GRM4: variants seen among roughly 807,000 people sequenced by gnomAD.
The protein encoded by GRM4 is glutamate metabotropic receptor 4.
Under a neutral mutation model 81.7 loss-of-function variants are expected in GRM4, and 28 were observed. The ratio of observed to expected loss-of-function variants is 0.34; its 90% CI spans 0.25 to 0.47. GRM4 has a LOEUF of 0.47. GRM4 is among the 20% of genes least tolerant of loss of function. The probability of loss-of-function intolerance (pLI) is 1.00; values close to 1 mark genes in which losing one functional copy is unlikely to be tolerated. For missense variants in GRM4, 948 were observed against 1,290.0 expected (o/e 0.73, Z 4.06); for synonymous variants, 488 against 528.8 (o/e 0.92, Z 1.06).
Position 34,092,214 on chromosome 6 carries a change from A to T in GRM4, c.520-115T>A. The T allele has an allele frequency of 1.5e-6, 1 of 666,426 alleles. No individual in the cohort carries two copies. The highest frequency in any genetic ancestry group is 2.6e-6 in the Non-Finnish European group (1 of 389,994). 41.3% of individuals were successfully genotyped at this position (666,426 alleles called of 1,614,324 possible). The stretch of plus-strand genomic sequence containing the variant: ...GTCCCCACAGCCTTGGGACCACCAC[A>T]GCCCACCCCTCCCCATGGGCGATGC... On this transcript the variant is annotated intron_variant, in intron 2 of 10. Coordinates refer to ENST00000538487, the MANE Select transcript of GRM4 (RefSeq NM_000841.4). This position sits in a 1 kb window ranked among gnomAD's most constrained non-coding sequence, Gnocchi z 6.8.
intron 3 of GRM4, among the ~76,000 whole-genome samples, chr6:34,073,713 G>A (rs113506918): frequency 1.3e-5 from 2 of 151,998 alleles, no homozygotes; most frequent in African/African-American, 4.8e-5. Context: ...CACCCCTCCA[G>A]CCCATCTCTT....
rs111539887 is a variant in GRM4, at chr6:34,117,324, T to C, written c.519+15654A>G. Among the ~76,000 whole-genome samples, 915 of 152,122 alleles carry C rather than the reference T, an allele frequency of 6.0e-3. 10 individuals are homozygous for C. The highest frequency in any genetic ancestry group is 0.021 in the African/African-American group (856 of 41,482). ...CAGGGCCGGAGGGAGGGAACAAAGATGAGGTGGGCGAGACAGGCTGGGCCA... is the reference window on the plus strand; with the variant it reads ...CAGGGCCGGAGGGAGGGAACAAAGACGAGGTGGGCGAGACAGGCTGGGCCA... On this transcript the variant is annotated intron_variant, in intron 2 of 10. Transcript: ENST00000538487.
intron 1 of GRM4, among the ~76,000 whole-genome samples, chr6:34,140,210 A>G (rs975540439): frequency 6.6e-6 from 1 of 152,232 alleles, no homozygotes; most frequent in African/African-American, 2.4e-5. Flanking sequence ...CTGGGAGAAG[A>G]GGATTCCAAA....
chr6:34,024,666 A>G (rs1469082410), intron 10 of GRM4: 2 of 455,966 alleles, frequency 4.4e-6, no homozygotes, highest in Admixed American at 4.7e-5. Context: ...TTAAAGGAAG[A>G]ATTTTCTCCT....
At chr6:34,072,915 C>G (rs1441983801) in intron 3 of GRM4, among the ~76,000 whole-genome samples, 2 of 63,334 alleles carry the variant, frequency 3.2e-5, no homozygotes, top group Non-Finnish European at 5.5e-5. Context: ...CACATCACCA[C>G]ACAGATACAT....
intron 2 of GRM4, among the ~76,000 whole-genome samples, chr6:34,120,052 C>T (rs1373246788): frequency 6.6e-6 from 1 of 152,130 alleles, no homozygotes; most frequent in Non-Finnish European, 1.5e-5. Flanking sequence ...ACCTTGAAGA[C>T]CGAACCATGG....
At chr6:34,075,569 C>A (rs1767271102) in intron 3 of GRM4, among the ~76,000 whole-genome samples, 1 of 152,238 alleles carries the variant, frequency 6.6e-6, no homozygotes, top group African/African-American at 2.4e-5. Flanking sequence ...TGCCATCCTC[C>A]ACTTTGTGCT....
At chr6:34,029,418 G>A (rs1473953544) in intron 9 of GRM4, among the ~76,000 whole-genome samples, 1 of 152,182 alleles carries the variant, frequency 6.6e-6, no homozygotes, top group Non-Finnish European at 1.5e-5. Flanking sequence ...TGAAGGCACA[G>A]GGGCCCTGGC....
rs1227593792 is a variant in GRM4, at chr6:34,068,666, G to A, written c.737-6638C>T. Among the ~76,000 whole-genome samples the A allele has an allele frequency of 6.6e-6, 1 of 152,210 alleles. No homozygotes were observed. Among genetic ancestry groups the A allele is most frequent in the Non-Finnish European group, 1.5e-5 (1 of 68,042 alleles). On this transcript the variant is annotated intron_variant, in intron 3 of 10. Coordinates refer to ENST00000538487, the MANE Select transcript of GRM4 (RefSeq NM_000841.4). This position sits in a 1 kb window ranked among gnomAD's most constrained non-coding sequence, Gnocchi z 4.2. ...TGTGCCTATCTCATGCAGTCAGCCT[G>A]GGCGGGCTGAAAGGAAAGGCCTCCC...
Position 34,059,021 on chromosome 6 carries a change from ACCT to A in GRM4, c.977_979del (p.Glu326del). The A allele has an allele frequency of 6.2e-7, 1 of 1,613,530 alleles. No individual in the cohort carries two copies. Among genetic ancestry groups the A allele is most frequent in the Non-Finnish European group, 8.5e-7 (1 of 1,179,822 alleles). On this transcript the variant is annotated inframe_deletion, in exon 5 of 11. Coordinates refer to ENST00000538487, the MANE Select transcript of GRM4 (RefSeq NM_000841.4). The surrounding 1 kb of genome is among the most constrained non-coding windows in gnomAD (Gnocchi z 5.7). ...GAGGATCGTGACAGCACCCTCAGCC[ACCT>A]CCTCCAGGTGCAGCACAGGTGCAAT...
intron 2 of GRM4, among the ~76,000 whole-genome samples, chr6:34,107,515 G>T (rs916856801): frequency 3.9e-5 from 6 of 152,230 alleles, no homozygotes; most frequent in Admixed American, 3.3e-4. Context: ...GAGAGGCGAT[G>T]GGGATGAGAG....
rs115780368 is a variant in GRM4, at chr6:34,089,448, G to A, written c.736+2435C>T. Among the ~76,000 whole-genome samples, 2,160 of 152,002 alleles carry A rather than the reference G, an allele frequency of 0.014. 27 individuals are homozygous for A. The highest frequency in any genetic ancestry group is 0.025 in the Non-Finnish European group (1,700 of 67,986). ...AATCAAATTTCATTTATTGGGTTGC[G>A]CGACGAGACCTAGCTGCCTGAACTG... On this transcript the variant is annotated intron_variant, in intron 3 of 10. Transcript: ENST00000538487. This position sits in a 1 kb window ranked among gnomAD's most constrained non-coding sequence, Gnocchi z 4.3.
In GRM4 at chr6:34,059,041, A is replaced by C; in HGVS notation, c.960T>G (p.Pro320=). 6.2e-7 allele frequency: 1 copy of C among 1,613,822 alleles called. No homozygotes were observed. Among genetic ancestry groups the C allele is most frequent in the Non-Finnish European group, 8.5e-7 (1 of 1,179,852 alleles). ...CAGCCACCTCCTCCAGGTGCAGCAC[A>C]GGTGCAATCTTGGAGCCCCAGCTGT... The part of the protein sequence containing the change: ...GSDSWGSKIA[P]VLHLEEVAEG... Residue 320 remains proline (P), a synonymous_variant, in exon 5 of 11, where the codon CCT becomes CCG. Coordinates refer to ENST00000538487, the MANE Select transcript of GRM4 (RefSeq NM_000841.4). This position sits in a 1 kb window ranked among gnomAD's most constrained non-coding sequence, Gnocchi z 5.7.
At position 34,059,407 on chromosome 6, in the gene GRM4, CAAA is replaced by C; in HGVS notation, c.873-282_873-280del. On this transcript the variant is annotated intron_variant, in intron 4 of 10. Coordinates refer to ENST00000538487, the MANE Select transcript of GRM4 (RefSeq NM_000841.4). The surrounding 1 kb of genome is among the most constrained non-coding windows in gnomAD (Gnocchi z 5.7). ...TTCTCCAGGCCTACATCTGTCCCTG[CAAA>C]GACCACACCTCTCCCCTCCAGATCC... is the stretch of plus-strand genomic sequence containing the variant. 9 of 478,484 alleles carry C rather than the reference CAAA, an allele frequency of 1.9e-5. No individual in the cohort carries two copies. The highest frequency in any genetic ancestry group is 9.3e-5 in the South Asian group (4 of 43,076). 29.6% of individuals were successfully genotyped at this position (478,484 alleles called of 1,614,324 possible).
At position 34,133,598 on chromosome 6, in the gene GRM4, G is replaced by A; in HGVS notation, c.-102C>T. On this transcript the variant is annotated 5_prime_UTR_variant, in exon 2 of 11. Transcript: ENST00000538487. The surrounding 1 kb of genome is among the most constrained non-coding windows in gnomAD (Gnocchi z 6.5). ...GGGCATGGGCAGGGCAGCTTCAGCA[G>A]CAGGGGGACTGAGGGCAGCCAACCG... 6.8e-7 allele frequency: 1 copy of A among 1,478,442 alleles called. No homozygotes were observed. Among genetic ancestry groups the A allele is most frequent in the Non-Finnish European group, 8.9e-7 (1 of 1,123,478 alleles). The allele number at this position is 1,478,442 out of a possible 1,614,324, so 91.6% of individuals were successfully genotyped here. A position where few individuals can be genotyped will look rare whatever the true frequency, so the allele number is the denominator to read the frequency against.
chr6:34,143,470 T>C (rs1770788450), intron 1 of GRM4, among the ~76,000 whole-genome samples: 1 of 152,200 alleles, frequency 6.6e-6, no homozygotes, highest in African/African-American at 2.4e-5. Context: ...GCCCCTGCGC[T>C]ATGGGTGCTC....
chr6:34,123,634 G>A (rs1403931952), intron 2 of GRM4, among the ~76,000 whole-genome samples: 1 of 152,150 alleles, frequency 6.6e-6, no homozygotes, highest in Non-Finnish European at 1.5e-5. Flanking sequence ...CGGTCTACAC[G>A]CCAGGCACTG....
At chr6:34,105,357 G>A (rs1211559912) in intron 2 of GRM4, among the ~76,000 whole-genome samples, 1 of 152,126 alleles carries the variant, frequency 6.6e-6, no homozygotes, top group Admixed American at 6.5e-5. Context: ...AAGGCTAGGT[G>A]ACCGGCCGGG....
intron 2 of GRM4, among the ~76,000 whole-genome samples, chr6:34,126,232 G>A (rs1770015761): frequency 6.6e-6 from 1 of 152,188 alleles, no homozygotes; most frequent in African/African-American, 2.4e-5. Context: ...GTGACCTTGG[G>A]CAAGTTGCTT....
Sources: gnomAD v4.1 joint callset for allele counts (sites outside exome capture counted in the v4.1 genomes callset) on GRCh38, gnomAD v4.1.1 for gene constraint, Gnocchi (gnomAD v3.1) non-coding constraint, MANE v1.5 for transcripts, NCBI Gene and HGNC (gene_info 2026-07-23, HGNC 2026-07-21) for gene names.